Variants in ABR observed in about 807,000 individuals in gnomAD.
The protein encoded by ABR is active breakpoint cluster region-related protein.
ABR carries 35 observed loss-of-function variants against 107.2 expected under a neutral mutation model. The ratio of observed to expected loss-of-function variants is 0.33; its 90% CI spans 0.25 to 0.43. The LOEUF is 0.43. Ranked by LOEUF, ABR falls within the 20% of genes least tolerant of loss-of-function variation. ABR has a pLI of 1.00. For missense variants in ABR, 815 were observed against 1,115.2 expected, an observed-to-expected ratio of 0.73 and a Z score of 3.83; for synonymous variants, 498 against 462.0, an observed-to-expected ratio of 1.08 and a Z score of -1.00.
chr17:1,080,934 G>A (rs2036193798), intron 5 of ABR, among the ~76,000 whole-genome samples: 1 of 152,182 alleles, frequency 6.6e-6, no homozygotes, highest in Non-Finnish European at 1.5e-5. Context: ...GCCTCAGCAG[G>A]AAGCAAGCAC....
At chr17:1,046,357 T>C (rs2004756) in intron 16 of ABR, among the ~76,000 whole-genome samples, 66,233 of 137,076 alleles carry the variant, frequency 0.48, 14,559 homozygotes, top group East Asian at 0.66. Flanking sequence ...AGGCGGGTCT[T>C]GAACTCCCGA....
intron 9 of ABR, among the ~76,000 whole-genome samples, chr17:1,067,458 C>T (rs540561277): frequency 2.0e-5 from 3 of 152,314 alleles, no homozygotes; most frequent in East Asian, 1.9e-4. Flanking sequence ...GGAGCAACTC[C>T]GCCCCTTCAC....
At chr17:1,016,804 T>G (rs1250154438) in intron 16 of ABR, among the ~76,000 whole-genome samples, 1 of 152,128 alleles carries the variant, frequency 6.6e-6, no homozygotes, top group Non-Finnish European at 1.5e-5. Flanking sequence ...ACTGATTTCC[T>G]GAAAACTCTC....
At chr17:1,171,210 T>A (rs1434100131) in intron 1 of ABR, among the ~76,000 whole-genome samples, 1 of 152,206 alleles carries the variant, frequency 6.6e-6, no homozygotes, top group Non-Finnish European at 1.5e-5. Context: ...AATAACTGGC[T>A]TAATTACACG....
intron 1 of ABR, among the ~76,000 whole-genome samples, chr17:1,203,904 T>A (rs1025284836): frequency 1.3e-5 from 2 of 152,126 alleles, no homozygotes; most frequent in South Asian, 2.1e-4. Context: ...CAGCTCCAGC[T>A]CCTCATCTGG....
intron 1 of ABR, among the ~76,000 whole-genome samples, chr17:1,221,519 T>A (rs1275250869): frequency 2.0e-5 from 3 of 152,160 alleles, no homozygotes; most frequent in African/African-American, 7.2e-5. Context: ...TGGAATTCTG[T>A]TACATGTGAG....
At chr17:1,213,748 C>G (rs1341332282) in intron 1 of ABR, among the ~76,000 whole-genome samples, 2 of 151,982 alleles carry the variant, frequency 1.3e-5, no homozygotes, top group African/African-American at 4.8e-5. Flanking sequence ...AGATTGCACG[C>G]AAACTGTGCA....
chr17:1,068,113 A>G (rs1476318453), intron 9 of ABR, among the ~76,000 whole-genome samples: 1 of 152,164 alleles, frequency 6.6e-6, no homozygotes, highest in East Asian at 1.9e-4. Flanking sequence ...TTGTACTTTC[A>G]GTAGAGACGG....
chr17:1,078,965 A>G lies in ABR; in HGVS notation c.700+365T>C, dbSNP rs948939120. 5.3e-6 allele frequency: 8 copies of G among 1,504,380 alleles called. No homozygotes were observed. The highest frequency in any genetic ancestry group is 1.4e-5 in the African/African-American group (1 of 71,828). The allele number at this position is 1,504,380 out of a possible 1,614,324, so 93.2% of individuals were successfully genotyped here. On this transcript the variant is annotated intron_variant, in intron 6 of 22. Coordinates refer to ENST00000302538, the MANE Select transcript of ABR (RefSeq NM_021962.5). The surrounding 1 kb of genome is among the most constrained non-coding windows in gnomAD (Gnocchi z 7.5). ...CCACCTTGCTGATGCTGCCGCACGG[A>G]CTCCAGCATCGGGCAGCCGCTCCGG...
chr17:1,131,209 C>T (rs535347169), intron 1 of ABR, among the ~76,000 whole-genome samples: 3 of 119,944 alleles, frequency 2.5e-5, no homozygotes, highest in Non-Finnish European at 3.4e-5. Context: ...GTGCCTGCCA[C>T]GCACACAGCT....
chr17:1,011,837 C>T lies in ABR; in HGVS notation c.2101+9G>A, dbSNP rs764899857. 5.1e-6 allele frequency: 8 copies of T among 1,565,906 alleles called. No homozygotes were observed. Among genetic ancestry groups the T allele is most frequent in the Non-Finnish European group, 7.0e-6 (8 of 1,148,600 alleles). ...CCACACCTGCCCCGGCTGGGCCTCC[C>T]AGACTCACTGGCATCGAAGACGGCC... On this transcript the variant is annotated intron_variant, in intron 19 of 22. Coordinates refer to ENST00000302538, the MANE Select transcript of ABR (RefSeq NM_021962.5). The surrounding 1 kb of genome is among the most constrained non-coding windows in gnomAD (Gnocchi z 4.8).
Position 1,057,080 on chromosome 17 carries a change from G to A in ABR, c.1404C>T (p.Ser468=). The A allele has an allele frequency of 1.2e-6, 2 of 1,612,262 alleles. No individual in the cohort carries two copies. Among genetic ancestry groups the A allele is most frequent in the Non-Finnish European group, 1.7e-6 (2 of 1,178,630 alleles). Reference sequence around the variant, plus strand: ...CTGTGAGCACCTGGAGCTCCACTGAGCTCAGGACAAAGGCCTGGAGATCTG... The same window carrying A: ...CTGTGAGCACCTGGAGCTCCACTGAACTCAGGACAAAGGCCTGGAGATCTG... The part of the protein sequence containing the change: ...QKKDLQAFVL[S]SVELQVLTGS... The change falls in exon 13 of 23, where the codon AGC becomes AGT. Residue 468 remains serine, a synonymous_variant. Coordinates refer to ENST00000302538, the MANE Select transcript of ABR (RefSeq NM_021962.5).
chr17:1,141,962 T>C (rs2040304816), intron 1 of ABR, among the ~76,000 whole-genome samples: 2 of 152,004 alleles, frequency 1.3e-5, no homozygotes, highest in African/African-American at 2.4e-5. Context: ...TTCACCATGT[T>C]AGCCAGGATG....
At chr17:1,225,702 G>A (rs1364283575) in intron 1 of ABR, among the ~76,000 whole-genome samples, 1 of 152,104 alleles carries the variant, frequency 6.6e-6, no homozygotes, top group East Asian at 1.9e-4. Flanking sequence ...ATGACCTGTA[G>A]TAGTGGTTAA....
intron 18 of ABR, chr17:1,012,194 G>T: frequency 1.3e-6 from 1 of 774,316 alleles, no homozygotes; most frequent in Non-Finnish European, 2.2e-6. Flanking sequence ...CGACGGACGT[G>T]GGCAGGAGAA....
At chr17:1,033,675 C>T (rs562429507) in intron 16 of ABR, among the ~76,000 whole-genome samples, 4 of 152,322 alleles carry the variant, frequency 2.6e-5, no homozygotes, top group Non-Finnish European at 5.9e-5. Context: ...ACACGTCACA[C>T]GCACCCCTGG....
chr17:1,149,369 G>C (rs1287635659), intron 1 of ABR, among the ~76,000 whole-genome samples: 1 of 151,794 alleles, frequency 6.6e-6, no homozygotes, highest in East Asian at 1.9e-4. Flanking sequence ...GGGGTTGGGA[G>C]TCACCTTCTG....
At chr17:1,166,775 G>A (rs866113918) in intron 1 of ABR, among the ~76,000 whole-genome samples, 9 of 152,268 alleles carry the variant, frequency 5.9e-5, no homozygotes, top group East Asian at 3.9e-4. Context: ...CGAGGCGGGC[G>A]GATCACCTGA....
chr17:1,197,358 T>C (rs1458760070), intron 1 of ABR, among the ~76,000 whole-genome samples: 1 of 151,404 alleles, frequency 6.6e-6, no homozygotes, highest in African/African-American at 2.5e-5. Flanking sequence ...TTGAAAAAAA[T>C]TGGGCAGGGT....
Sources: allele counts gnomAD v4.1 joint callset (sites outside exome capture counted in the v4.1 genomes callset), GRCh38; gene constraint gnomAD v4.1.1; non-coding constraint Gnocchi (gnomAD v3.1); transcripts MANE v1.5; gene names NCBI Gene and HGNC (gene_info 2026-07-23, HGNC 2026-07-21).